LARGE1: variants seen among roughly 807,000 people sequenced by gnomAD.
LARGE1 encodes xylosyl- and glucuronyltransferase LARGE1.
LARGE1 carries 43 observed loss-of-function variants against 87.6 expected under a neutral mutation model. The observed-to-expected ratio is 0.49, with a 90% CI of 0.38 to 0.63. The LOEUF (loss-of-function observed/expected upper bound fraction) is 0.63, where lower values mean the gene tolerates loss of function less well. Among genes scored for constraint, LARGE1 ranks in the 30% least tolerant of loss-of-function variants. The pLI is 0.00. For missense variants in LARGE1, 802 were observed against 1,000.2 expected (o/e 0.80, Z 2.67); for synonymous variants, 434 against 394.6 (o/e 1.10, Z -1.18).
At chr22:33,899,859 T>C (rs1201502774) in intron 1 of LARGE1, among the ~76,000 whole-genome samples, 1 of 152,238 alleles carries the variant, frequency 6.6e-6, no homozygotes, top group African/African-American at 2.4e-5. Context: ...TCCAGATGTA[T>C]ATATTCAGAC....
chr22:33,266,244 G>A (rs1205162291), intron 11 of LARGE1, among the ~76,000 whole-genome samples: 1 of 117,306 alleles, frequency 8.5e-6, no homozygotes, highest in Non-Finnish European at 1.6e-5. Context: ...TTTTTGAGAT[G>A]GAGTTTCGCT....
At chr22:33,709,738 G>A (rs930587204) in intron 2 of LARGE1, among the ~76,000 whole-genome samples, 3 of 150,630 alleles carry the variant, frequency 2.0e-5, no homozygotes, top group African/African-American at 7.3e-5. Context: ...CCATTCTCCT[G>A]CCTCAGCCTC....
intron 9 of LARGE1, among the ~76,000 whole-genome samples, chr22:33,342,941 C>T (rs563760342): frequency 6.6e-6 from 1 of 152,308 alleles, no homozygotes; most frequent in South Asian, 2.1e-4. Flanking sequence ...ATCATCAGGA[C>T]ATAGAATACT....
intron 7 of LARGE1, among the ~76,000 whole-genome samples, chr22:33,419,156 G>C (rs1197432971): frequency 2.0e-5 from 3 of 152,026 alleles, no homozygotes; most frequent in Admixed American, 2.0e-4. Context: ...GAGAAGTCCA[G>C]TTGCAAGCAC....
intron 2 of LARGE1, among the ~76,000 whole-genome samples, chr22:33,695,963 G>A (rs1409774688): frequency 6.6e-6 from 1 of 152,092 alleles, no homozygotes; most frequent in East Asian, 1.9e-4. Flanking sequence ...CCCCAAACTC[G>A]ATCTATTAGG....
intron 6 of LARGE1, among the ~76,000 whole-genome samples, chr22:33,527,861 CAGCT>C (rs1369232153): frequency 6.6e-6 from 1 of 152,184 alleles, no homozygotes; most frequent in African/African-American, 2.4e-5. Flanking sequence ...GAGCAGGACT[CAGCT>C]GGCTGTAGGC....
intron 5 of LARGE1, among the ~76,000 whole-genome samples, chr22:33,573,716 C>G (rs1209246371): frequency 6.6e-6 from 1 of 152,132 alleles, no homozygotes; most frequent in African/African-American, 2.4e-5. Flanking sequence ...TTTATTAACT[C>G]AAATGGTTTC....
chr22:33,120,715 C>T, the LARGE1 span, among the ~76,000 whole-genome samples: 1 of 151,938 alleles, frequency 6.6e-6, no homozygotes, highest in Non-Finnish European at 1.5e-5. Flanking sequence ...CAGGGTTTCA[C>T]CGTGTTGGCC....
At chr22:33,881,355 A>G (rs2064678421) in intron 1 of LARGE1, among the ~76,000 whole-genome samples, 1 of 152,232 alleles carries the variant, frequency 6.6e-6, no homozygotes, top group Non-Finnish European at 1.5e-5. Flanking sequence ...CAGCTCTCCA[A>G]ATGAGCAGCT....
intron 12 of LARGE1, among the ~76,000 whole-genome samples, chr22:33,294,157 T>A (rs1475314744): frequency 6.6e-6 from 1 of 152,206 alleles, no homozygotes; most frequent in East Asian, 1.9e-4. Context: ...GCCACTCAGG[T>A]TTCCACGCCT....
intron 2 of LARGE1, among the ~76,000 whole-genome samples, chr22:33,694,495 A>G (rs527909287): frequency 6.6e-6 from 1 of 152,302 alleles, no homozygotes; most frequent in Non-Finnish European, 1.5e-5. Flanking sequence ...CTACTAATGA[A>G]CGTTTGATCA....
intron 5 of LARGE1, among the ~76,000 whole-genome samples, chr22:33,578,826 G>C (rs1569286333): frequency 2.0e-5 from 3 of 152,140 alleles, no homozygotes; most frequent in Admixed American, 2.0e-4. Context: ...TCAGAAATGG[G>C]AAGTAAAATC....
chr22:33,614,347 A>T (rs2079523078), intron 4 of LARGE1, among the ~76,000 whole-genome samples: 1 of 152,060 alleles, frequency 6.6e-6, no homozygotes, highest in East Asian at 1.9e-4. Flanking sequence ...CTTTTTTCTC[A>T]TGAATATATT....
chr22:33,512,541 G>A (rs971584234), intron 6 of LARGE1, among the ~76,000 whole-genome samples: 16 of 152,170 alleles, frequency 1.1e-4, no homozygotes, highest in African/African-American at 2.9e-4. Flanking sequence ...AGTGGCTCAC[G>A]CCTGTAATCC....
chr22:33,574,555 C>A (rs527942208), intron 5 of LARGE1, among the ~76,000 whole-genome samples: 4 of 151,448 alleles, frequency 2.6e-5, no homozygotes, highest in Non-Finnish European at 4.4e-5. Flanking sequence ...AAAGGAGGGA[C>A]AACAATCAGA....
intron 8 of LARGE1, among the ~76,000 whole-genome samples, chr22:33,382,418 C>G (rs1451406581): frequency 1.3e-5 from 2 of 152,164 alleles, no homozygotes. Flanking sequence ...CCATCCTGAG[C>G]CTCCTGGAGA....
intron 1 of LARGE1, among the ~76,000 whole-genome samples, chr22:33,858,222 A>G (rs2063812376): frequency 6.6e-6 from 1 of 152,240 alleles, no homozygotes; most frequent in Non-Finnish European, 1.5e-5. Context: ...ACCTTGCTGG[A>G]TCAGGAGCCC....
At chr22:33,590,402 T>C (rs1403266809) in intron 5 of LARGE1, among the ~76,000 whole-genome samples, 2 of 152,240 alleles carry the variant, frequency 1.3e-5, no homozygotes, top group Non-Finnish European at 2.9e-5. Flanking sequence ...ATAGTATGTT[T>C]ATGCATTCTT....
In LARGE1 at chr22:33,303,786, T is replaced by C. The variant is rs1934478235; in HGVS notation, c.1730+443A>G. 2.1e-5 allele frequency among the ~76,000 whole-genome samples: 3 copies of C among 144,426 alleles called. No individual in the cohort carries two copies. The South Asian group carries it at 6.8e-4, about 33-fold the overall frequency. 94.7% of individuals were successfully genotyped at this position (144,426 alleles called of 152,430 possible). A position where few individuals can be genotyped will look rare whatever the true frequency, so the allele number is the denominator to read the frequency against. On this transcript the variant is annotated intron_variant, in intron 12 of 14. Transcript: ENST00000397394. ...ACGGGCACATGCCACCAAGCCCAGC[T>C]AATTTTTTTGGTATTTTTAGTAGGG...
Sources: gnomAD v4.1 joint callset for allele counts (sites outside exome capture counted in the v4.1 genomes callset) on GRCh38, gnomAD v4.1.1 for gene constraint, MANE v1.5 for transcripts, NCBI Gene and HGNC (gene_info 2026-07-23, HGNC 2026-07-21) for gene names.